The following CTXND2 variants were observed in gnomAD, a reference collection of about 807,000 sequenced individuals.
The protein encoded by CTXND2 is cortexin domain containing 2.
At chr1:150,888,896 G>A (rs587713376) in intron 1 of CTXND2, among the ~76,000 whole-genome samples, 10 of 151,612 alleles carry the variant, frequency 6.6e-5, no homozygotes, top group Non-Finnish European at 1.3e-4. Context: ...TAGAGATGGG[G>A]TCTTGCTATG....
intron 1 of CTXND2, among the ~76,000 whole-genome samples, chr1:150,901,988 G>C (rs2102599881): frequency 6.6e-6 from 1 of 152,024 alleles, no homozygotes. Context: ...GCTAGAGGCT[G>C]AGCACAGTGG....
intron 1 of CTXND2, among the ~76,000 whole-genome samples, chr1:150,900,760 G>C (rs12750810): frequency 0.045 from 6,782 of 152,230 alleles, 244 homozygotes; most frequent in Non-Finnish European, 0.073. Context: ...ATCGAGGGGA[G>C]AAGGAGACCA....
chr1:150,894,045 T>C (rs1668885557), intron 1 of CTXND2, among the ~76,000 whole-genome samples: 1 of 152,138 alleles, frequency 6.6e-6, no homozygotes, highest in Non-Finnish European at 1.5e-5. Flanking sequence ...CTCGAACTCC[T>C]GGACTCAGGC....
chr1:150,906,301 A>C (rs1402986200), intron 1 of CTXND2, among the ~76,000 whole-genome samples: 2 of 152,042 alleles, frequency 1.3e-5, no homozygotes, highest in African/African-American at 4.8e-5. Context: ...CCTACCTCAA[A>C]AACAACAACA....
Position 150,905,818 on chromosome 1 carries a change from A to G in CTXND2, c.-73-6424A>G, listed in dbSNP as rs587768438. On this transcript the variant is annotated intron_variant, in intron 1 of 1. Transcript: ENST00000636087. ...ATCCTGGCTAACACGGTGAAACCCCATCTTTACTAAAAATACAAAAAATTA... is the reference window on the plus strand; with the variant it reads ...ATCCTGGCTAACACGGTGAAACCCCGTCTTTACTAAAAATACAAAAAATTA... 2.6e-5 allele frequency among the ~76,000 whole-genome samples: 4 copies of G among 151,880 alleles called. No homozygotes were observed. The East Asian group carries it at 7.8e-4, about 30-fold the overall frequency.
chr1:150,900,315 C>T (rs988122483), intron 1 of CTXND2, among the ~76,000 whole-genome samples: 3 of 151,828 alleles, frequency 2.0e-5, no homozygotes, highest in Non-Finnish European at 4.4e-5. Context: ...CTGCGAAGGT[C>T]TGCGGCTTCA....
At chr1:150,905,293 A>G (rs1280108662) in intron 1 of CTXND2, among the ~76,000 whole-genome samples, 1 of 151,794 alleles carries the variant, frequency 6.6e-6, no homozygotes, top group East Asian at 1.9e-4. Context: ...ACAGGCACAC[A>G]CCACCATGCC....
chr1:150,891,675 A>C (rs1055122418), intron 1 of CTXND2, among the ~76,000 whole-genome samples: 1 of 152,222 alleles, frequency 6.6e-6, no homozygotes, highest in Non-Finnish European at 1.5e-5. Flanking sequence ...ATTCAGTAAA[A>C]TATATCTCAA....
At chr1:150,889,250 C>T (rs1668814602) in intron 1 of CTXND2, among the ~76,000 whole-genome samples, 1 of 151,666 alleles carries the variant, frequency 6.6e-6, no homozygotes, top group Admixed American at 6.6e-5. Flanking sequence ...TCTACAAAAA[C>T]TTAGCCGGGC....
intron 1 of CTXND2, among the ~76,000 whole-genome samples, chr1:150,897,498 A>G (rs1038539908): frequency 6.6e-6 from 1 of 151,974 alleles, no homozygotes; most frequent in Non-Finnish European, 1.5e-5. Flanking sequence ...TAACTTTTGT[A>G]TGGTTTGTAG....
chr1:150,912,356 A>C (rs1669269122), exon 2 of CTXND2: 2 of 398,462 alleles, frequency 5.0e-6, no homozygotes, highest in Non-Finnish European at 8.8e-6. Context: ...ATGTGGACAA[A>C]GGCTTTGCCA....
chr1:150,907,327 C>T (rs961974243), intron 1 of CTXND2, among the ~76,000 whole-genome samples: 1 of 152,138 alleles, frequency 6.6e-6, no homozygotes, highest in African/African-American at 2.4e-5. Context: ...TTAACTTTCA[C>T]CCCCTCATCC....
intron 1 of CTXND2, among the ~76,000 whole-genome samples, chr1:150,899,556 A>G (rs1302632455): frequency 6.6e-6 from 1 of 152,240 alleles, no homozygotes; most frequent in Non-Finnish European, 1.5e-5. Context: ...GAATGTGGAG[A>G]AAATTTTTCT....
intron 1 of CTXND2, among the ~76,000 whole-genome samples, chr1:150,904,895 T>C (rs1669108932): frequency 2.0e-5 from 3 of 152,272 alleles, no homozygotes; most frequent in Admixed American, 2.0e-4. Flanking sequence ...TAAGTTATAA[T>C]TTAGGATAGT....
At chr1:150,905,062 C>CCACA (rs58415621) in intron 1 of CTXND2, among the ~76,000 whole-genome samples, 20,529 of 130,538 alleles carry the variant, frequency 0.16, 1,738 homozygotes, top group Non-Finnish European at 0.2. Context: ...AAAAAGAAAA[C>CCACA]CACACACACA....
At position 150,912,414 on chromosome 1, in the gene CTXND2, CG is replaced by C; in HGVS notation, c.102del (p.Cys35ValfsTer5). On this transcript the variant is annotated frameshift_variant, in exon 2 of 2. Coordinates refer to ENST00000636087, the Ensembl canonical transcript of CTXND2. LOFTEE classifies it high-confidence loss of function. ...TCTGTTCCTAATAGTGATGATTTTT[CG>C]GTGTGCCAAGCTGGTGAAGAATCCC... 1 of 398,502 alleles carries C rather than the reference CG, an allele frequency of 2.5e-6. No homozygotes were observed. Among genetic ancestry groups the C allele is most frequent in the Non-Finnish European group, 4.4e-6 (1 of 226,070 alleles). The allele number at this position is 398,502 out of a possible 1,614,324, so 24.7% of individuals were successfully genotyped here.
chr1:150,903,981 C>G (rs771151299), intron 1 of CTXND2: 1 of 646,518 alleles, frequency 1.5e-6, no homozygotes, highest in Non-Finnish European at 2.9e-6. Context: ...AAGCACAAGA[C>G]TGGGCCTAAT....
At chr1:150,898,019 A>AT (rs1250636689) in intron 1 of CTXND2, among the ~76,000 whole-genome samples, 1 of 152,206 alleles carries the variant, frequency 6.6e-6, no homozygotes, top group Admixed American at 6.5e-5. Context: ...CAAAACACCC[A>AT]TTAAACCACT....
chr1:150,892,878 C>T (rs879445416), intron 1 of CTXND2, among the ~76,000 whole-genome samples: 6 of 152,140 alleles, frequency 3.9e-5, no homozygotes, highest in African/African-American at 1.2e-4. Flanking sequence ...TTCCTTCATA[C>T]GTTTAAGAAA....
Sources: gnomAD v4.1 joint callset for allele counts (sites outside exome capture counted in the v4.1 genomes callset) on GRCh38, gnomAD v4.1.1 for gene constraint, MANE v1.5 for transcripts, NCBI Gene and HGNC (gene_info 2026-07-23, HGNC 2026-07-21) for gene names.